The following KCNQ5 variants were observed in gnomAD, a reference collection of about 807,000 sequenced individuals.
KCNQ5 encodes potassium voltage-gated channel subfamily Q member 5.
Under a neutral mutation model 98.2 loss-of-function variants are expected in KCNQ5, and 30 were observed. The observed-to-expected ratio is 0.31, with a 90% CI of 0.23 to 0.41. The LOEUF is 0.41. Ranked by LOEUF, KCNQ5 falls within the 10% of genes least tolerant of loss-of-function variation. The pLI, the probability that KCNQ5 is intolerant of heterozygous loss-of-function variation, is 1.00. For missense variants in KCNQ5, 835 were observed against 1,182.5 expected (o/e 0.71, Z 4.31); for synonymous variants, 458 against 449.4 (o/e 1.02, Z -0.24).
intron 1 of KCNQ5, among the ~76,000 whole-genome samples, chr6:72,777,228 T>G (rs941128471): frequency 6.6e-6 from 1 of 152,150 alleles, no homozygotes; most frequent in Non-Finnish European, 1.5e-5. Context: ...TCAGATGGCT[T>G]AGTGGAAGTT....
chr6:73,128,115 T>A (rs1263384523), intron 9 of KCNQ5, among the ~76,000 whole-genome samples: 2 of 152,164 alleles, frequency 1.3e-5, no homozygotes, highest in Non-Finnish European at 2.9e-5. Flanking sequence ...AAGAAGAGCT[T>A]TTTAAATATA....
chr6:73,160,179 G>GTT (rs543691292), intron 10 of KCNQ5, among the ~76,000 whole-genome samples: 3,875 of 147,862 alleles, frequency 0.026, 70 homozygotes, highest in East Asian at 0.095. Context: ...ACGCCCGGCT[G>GTT]TTTTTTTTTT....
At chr6:72,806,708 C>A (rs1022773793) in intron 1 of KCNQ5, 1 of 393,010 alleles carries the variant, frequency 2.5e-6, no homozygotes, top group Admixed American at 3.6e-5. Flanking sequence ...GTGTCTTCTG[C>A]ATTTCCCATA....
chr6:73,074,181 G>A (rs1328893853), intron 3 of KCNQ5, among the ~76,000 whole-genome samples: 1 of 152,168 alleles, frequency 6.6e-6, no homozygotes, highest in Non-Finnish European at 1.5e-5. Flanking sequence ...ATAAAACACT[G>A]TGGAACCACC....
chr6:73,114,440 AC>A (rs1170258693), intron 7 of KCNQ5, among the ~76,000 whole-genome samples: 1 of 152,148 alleles, frequency 6.6e-6, no homozygotes, highest in Non-Finnish European at 1.5e-5. Context: ...AAAATTTAAA[AC>A]CCCAGAAGCT....
At chr6:73,037,074 C>T (rs145599650) in intron 2 of KCNQ5, among the ~76,000 whole-genome samples, 24 of 152,222 alleles carry the variant, frequency 1.6e-4, no homozygotes, top group Admixed American at 7.2e-4. Context: ...GATACCATTG[C>T]GATCTAATTT....
intron 1 of KCNQ5, among the ~76,000 whole-genome samples, chr6:72,750,744 T>C (rs185605400): frequency 6.6e-6 from 1 of 152,152 alleles, no homozygotes; most frequent in East Asian, 1.9e-4. Context: ...AAATGTTGAA[T>C]TCATGTGTCA....
At chr6:72,898,190 A>G (rs1331448214) in intron 1 of KCNQ5, among the ~76,000 whole-genome samples, 2 of 152,168 alleles carry the variant, frequency 1.3e-5, no homozygotes, top group Non-Finnish European at 2.9e-5. Context: ...TCCAGGATAC[A>G]TGTGCAGAAC....
At chr6:72,640,111 C>G (rs992388721) in intron 1 of KCNQ5, among the ~76,000 whole-genome samples, 2 of 152,056 alleles carry the variant, frequency 1.3e-5, no homozygotes, top group African/African-American at 4.8e-5. Context: ...ATTTCTCTAA[C>G]AGTAGTGTGC....
intron 1 of KCNQ5, among the ~76,000 whole-genome samples, chr6:72,756,820 A>G (rs983102963): frequency 6.6e-6 from 1 of 152,106 alleles, no homozygotes; most frequent in Non-Finnish European, 1.5e-5. Flanking sequence ...CATATTTGTC[A>G]TTCCCTATTT....
intron 1 of KCNQ5, among the ~76,000 whole-genome samples, chr6:72,657,478 A>G (rs1766257944): frequency 6.6e-6 from 1 of 152,188 alleles, no homozygotes; most frequent in Non-Finnish European, 1.5e-5. Flanking sequence ...AATATATTTA[A>G]GTATTATAGT....
At chr6:73,037,261 A>T (rs1002841073) in intron 2 of KCNQ5, among the ~76,000 whole-genome samples, 23 of 151,986 alleles carry the variant, frequency 1.5e-4, no homozygotes, top group African/African-American at 5.6e-4. Flanking sequence ...CATATTTTAG[A>T]TATTAGTCCT....
chr6:73,000,832 T>C (rs560930758), intron 1 of KCNQ5, among the ~76,000 whole-genome samples: 1 of 152,326 alleles, frequency 6.6e-6, no homozygotes, highest in East Asian at 1.9e-4. Context: ...AAGGCAACTC[T>C]GATGACCCTT....
intron 1 of KCNQ5, among the ~76,000 whole-genome samples, chr6:72,948,465 CATGAGAG>C (rs1302414780): frequency 6.6e-6 from 1 of 151,584 alleles, no homozygotes; most frequent in African/African-American, 2.4e-5. Flanking sequence ...CTCTCTGTTC[CATGAGAG>C]AAAGGAAAAG....
intron 3 of KCNQ5, among the ~76,000 whole-genome samples, chr6:73,062,245 A>T (rs1044491910): frequency 2.6e-5 from 4 of 152,186 alleles, no homozygotes; most frequent in Non-Finnish European, 4.4e-5. Context: ...AACTAAGTTA[A>T]TTGTCCCTGC....
At chr6:73,000,163 T>C (rs1288361238) in intron 1 of KCNQ5, among the ~76,000 whole-genome samples, 1 of 151,940 alleles carries the variant, frequency 6.6e-6, no homozygotes, top group Non-Finnish European at 1.5e-5. Flanking sequence ...TCAGAAGCAA[T>C]AGAGTCAGCA....
chr6:72,955,254 C>T (rs879660754), intron 1 of KCNQ5, among the ~76,000 whole-genome samples: 10 of 152,200 alleles, frequency 6.6e-5, no homozygotes, highest in Non-Finnish European at 1.3e-4. Flanking sequence ...GTCTGAATAA[C>T]CATGAAATTT....
chr6:72,921,700 C>T (rs1394138241), intron 1 of KCNQ5, among the ~76,000 whole-genome samples: 1 of 152,138 alleles, frequency 6.6e-6, no homozygotes, highest in Non-Finnish European at 1.5e-5. Flanking sequence ...TTTGTAGACA[C>T]TCAGTAAGTA....
At chr6:72,683,453 T>C (rs111940815) in intron 1 of KCNQ5, among the ~76,000 whole-genome samples, 5,805 of 150,436 alleles carry the variant, frequency 0.039, 126 homozygotes, top group Middle Eastern at 0.13. Context: ...CTGTAAGCTC[T>C]GCCTCCCGGG....
Sources: gnomAD v4.1 joint callset for allele counts (sites outside exome capture counted in the v4.1 genomes callset) on GRCh38, gnomAD v4.1.1 for gene constraint, MANE v1.5 for transcripts, NCBI Gene and HGNC (gene_info 2026-07-23, HGNC 2026-07-21) for gene names.